Variants in STOX1 observed in about 807,000 individuals in gnomAD.
STOX1 encodes storkhead box 1, also known as storkhead-box protein 1.
In STOX1, 57 loss-of-function variants were observed where a neutral mutation model predicts 74.8. The ratio of observed to expected loss-of-function variants is 0.76; its 90% CI spans 0.62 to 0.95. The LOEUF is 0.95. STOX1 is among the 40% of genes least tolerant of loss of function. STOX1 has a pLI of 0.00. For missense variants in STOX1, 1,010 were observed against 1,117.0 expected (o/e 0.90, Z 1.37); for synonymous variants, 375 against 401.3 (o/e 0.93, Z 0.78).
At chr10:68,887,783 C>T (rs539019004) in intron 3 of STOX1, among the ~76,000 whole-genome samples, 45 of 151,382 alleles carry the variant, frequency 3.0e-4, no homozygotes, top group Non-Finnish European at 5.4e-4. Context: ...TTAGTAGAGA[C>T]GGGGTTTTGC....
intron 1 of STOX1, among the ~76,000 whole-genome samples, chr10:68,861,698 C>G (rs1840272511): frequency 6.6e-6 from 1 of 152,136 alleles, no homozygotes; most frequent in Admixed American, 6.5e-5. Context: ...ACAGAAATCA[C>G]AGAGCCTCCA....
intron 1 of STOX1, among the ~76,000 whole-genome samples, chr10:68,867,184 A>T (rs1347681819): frequency 6.6e-6 from 1 of 151,774 alleles, no homozygotes; most frequent in African/African-American, 2.4e-5. Context: ...TGACCTCGTG[A>T]TCCGCCCGCC....
chr10:68,849,590 G>A (rs1392273403), intron 1 of STOX1, among the ~76,000 whole-genome samples: 1 of 152,128 alleles, frequency 6.6e-6, no homozygotes, highest in Non-Finnish European at 1.5e-5. Flanking sequence ...TGTGGATCAT[G>A]CTGGGGAGGA....
At chr10:68,884,165 A>G (rs568838802) in intron 2 of STOX1, 95 bp from the exon 3 acceptor site, 3 of 1,146,010 alleles carry the variant, frequency 2.6e-6, no homozygotes, top group Admixed American at 1.8e-5. Flanking sequence ...CTCTGGGTTT[A>G]TCAAGCCAAT....
chr10:68,834,881 C>T (rs183066542), intron 1 of STOX1, among the ~76,000 whole-genome samples: 1 of 152,012 alleles, frequency 6.6e-6, no homozygotes, highest in African/African-American at 2.4e-5. Context: ...TCTGCCTCCA[C>T]ACCCGGATAA....
rs1840973184 is a variant in STOX1, at chr10:68,886,726, A to T, written c.2822+108A>T. Reference sequence around the variant, plus strand: ...GGCAGATCACGAGGTCAAGAGATTGAGACCATCCTGGCCAACATGGTGAAA... The same window carrying T: ...GGCAGATCACGAGGTCAAGAGATTGTGACCATCCTGGCCAACATGGTGAAA... On this transcript the variant is annotated intron_variant, in intron 3 of 3. Coordinates refer to ENST00000298596, the MANE Select transcript of STOX1 (RefSeq NM_152709.5). The T allele has an allele frequency of 1.2e-5, 12 of 966,836 alleles. No homozygotes were observed. In the South Asian group the frequency reaches 1.6e-4, roughly 13 times the overall value. The allele number at this position is 966,836 out of a possible 1,614,324, so 59.9% of individuals were successfully genotyped here.
chr10:68,859,250 G>A (rs1439873685), intron 1 of STOX1, among the ~76,000 whole-genome samples: 1 of 152,016 alleles, frequency 6.6e-6, no homozygotes, highest in African/African-American at 2.4e-5. Flanking sequence ...CCATTCTCAG[G>A]GCCATAACTG....
chr10:68,843,188 G>A (rs1839739408), intron 1 of STOX1, among the ~76,000 whole-genome samples: 2 of 152,064 alleles, frequency 1.3e-5, no homozygotes, highest in Admixed American at 6.6e-5. Flanking sequence ...GTAGGCGTGG[G>A]CCACCACACC....
intron 1 of STOX1, among the ~76,000 whole-genome samples, chr10:68,868,521 T>C (rs1265260823): frequency 6.6e-6 from 1 of 152,176 alleles, no homozygotes; most frequent in Non-Finnish European, 1.5e-5. Context: ...ATCATAGCCA[T>C]CACGAGCATG....
intron 1 of STOX1, among the ~76,000 whole-genome samples, chr10:68,866,125 G>T (rs112781807): frequency 0.064 from 9,783 of 152,054 alleles, 445 homozygotes; most frequent in Non-Finnish European, 0.093. Context: ...ATTAAAACTT[G>T]TGCTCCCTAT....
At chr10:68,888,099 A>G (rs1419301102) in intron 3 of STOX1, among the ~76,000 whole-genome samples, 1 of 151,950 alleles carries the variant, frequency 6.6e-6, no homozygotes, top group Non-Finnish European at 1.5e-5. Flanking sequence ...ACACACGCGC[A>G]CACACACATA....
downstream of STOX1, chr10:68,895,356 A>T (rs976894515): frequency 6.6e-6 from 1 of 152,242 alleles, no homozygotes; most frequent in Non-Finnish European, 1.5e-5. Flanking sequence ...CAAGCTCATT[A>T]TGAAACCAGT....
downstream of STOX1, among the ~76,000 whole-genome samples, chr10:68,893,611 G>A (rs1841144189): frequency 6.6e-6 from 1 of 152,140 alleles, no homozygotes; most frequent in Non-Finnish European, 1.5e-5. Flanking sequence ...TAGAGACGGG[G>A]TTTCACCGTG....
Position 68,884,594 on chromosome 10 carries a change from G to A in STOX1, c.798G>A (p.Arg266=), listed in dbSNP as rs1051959651. The change falls in exon 3 of 4, where the codon AGG becomes AGA. Residue 266 remains arginine (R), a synonymous_variant. Transcript: ENST00000298596. ...QEAPVAAEVT[R]KSHRGLGESV... ...CACCAGTTGCTGCAGAAGTGACTAG[G>A]AAGAGTCACAGAGGTCTTGGGGAAT... is the stretch of plus-strand genomic sequence containing the variant. The A allele has an allele frequency of 1.5e-5, 25 of 1,613,748 alleles. No individual in the cohort carries two copies. The highest frequency in any genetic ancestry group is 2.1e-5 in the Non-Finnish European group (25 of 1,180,028).
chr10:68,829,899 ACT>A (rs1201943150), intron 1 of STOX1, among the ~76,000 whole-genome samples: 5 of 150,612 alleles, frequency 3.3e-5, no homozygotes, highest in African/African-American at 4.9e-5. Context: ...TCGATGAAAA[ACT>A]CTTTTCAGTT....
chr10:68,870,463 A>G (rs553588376), intron 1 of STOX1, among the ~76,000 whole-genome samples: 1 of 152,344 alleles, frequency 6.6e-6, no homozygotes, highest in Non-Finnish European at 1.5e-5. Context: ...CTGGTGTGGT[A>G]GGTAGAATGG....
rs930444503 is a variant in STOX1 at position 68,858,628 on chromosome 10, A to C, written c.311-23330A>C. Reference sequence around the variant, plus strand: ...GCAGCTGGGAGACCTGAAAGACACTATTAATGCAGAAACTCAGTGATGCTT... The same window carrying C: ...GCAGCTGGGAGACCTGAAAGACACTCTTAATGCAGAAACTCAGTGATGCTT... On this transcript the variant is annotated intron_variant, in intron 1 of 3. Coordinates refer to ENST00000298596, the MANE Select transcript of STOX1 (RefSeq NM_152709.5). 2.6e-5 allele frequency among the ~76,000 whole-genome samples: 4 copies of C among 152,098 alleles called. No homozygotes were observed. In the East Asian group the frequency reaches 7.7e-4, roughly 29 times the overall value.
chr10:68,885,712 A>G lies in STOX1; in HGVS notation c.1916A>G (p.His639Arg), dbSNP rs372305853. Residue 639 changes from histidine (H) to arginine (R), a missense_variant, in exon 3 of 4, where the codon CAT becomes CGT. Physicochemically the swap from His to Arg is conservative, Grantham distance 29. Coordinates refer to ENST00000298596, the MANE Select transcript of STOX1 (RefSeq NM_152709.5). ...DKLGETKQTP[H>R]SLPSRGASFS... The stretch of plus-strand genomic sequence containing the variant: ...TTAGGGGAGACCAAACAGACTCCGC[A>G]TAGTCTGCCATCACGAGGTGCCTCC... 423 of 1,614,054 alleles carry G rather than the reference A, an allele frequency of 2.6e-4. No individual in the cohort carries two copies. The highest frequency in any genetic ancestry group is 3.4e-4 in the Non-Finnish European group (407 of 1,180,032).
At chr10:68,875,591 AGAGG>A (rs1840653946) in intron 1 of STOX1, among the ~76,000 whole-genome samples, 1 of 152,160 alleles carries the variant, frequency 6.6e-6, no homozygotes, top group African/African-American at 2.4e-5. Flanking sequence ...AGGATATTCT[AGAGG>A]CCTTCTTCTT....
Sources: allele counts gnomAD v4.1 joint callset (sites outside exome capture counted in the v4.1 genomes callset), GRCh38; gene constraint gnomAD v4.1.1; transcripts MANE v1.5; gene names NCBI Gene and HGNC (gene_info 2026-07-23, HGNC 2026-07-21).